RBFOX1: variants seen among roughly 807,000 people sequenced by gnomAD.
RBFOX1 encodes RNA binding protein fox-1 homolog 1.
Under a neutral mutation model 57.7 loss-of-function variants are expected in RBFOX1, and 8 were observed. The ratio of observed to expected loss-of-function variants is 0.14; its 90% CI spans 0.08 to 0.25. RBFOX1 has a LOEUF of 0.25. Ranked by LOEUF, RBFOX1 falls within the 10% of genes least tolerant of loss-of-function variation. RBFOX1 has a pLI of 1.00. For synonymous variants in RBFOX1, 326 were observed against 222.4 expected (o/e 1.47, Z -4.15); for missense variants, 611 against 548.5 (o/e 1.11, Z -1.14).
intron 2 of RBFOX1, among the ~76,000 whole-genome samples, chr16:6,512,535 G>C (rs1350370240): frequency 6.6e-6 from 1 of 152,092 alleles, no homozygotes; most frequent in African/African-American, 2.4e-5. Context: ...GACCAAGACT[G>C]GGTGTTGCTA....
intron 1 of RBFOX1, among the ~76,000 whole-genome samples, chr16:6,144,235 C>T (rs1160215152): frequency 6.6e-6 from 1 of 152,072 alleles, no homozygotes; most frequent in Non-Finnish European, 1.5e-5. Flanking sequence ...GAAAATTATT[C>T]TCTTTTTAAT....
In RBFOX1 at chr16:6,999,212, A is replaced by G. The variant is rs8046969; in HGVS notation, c.-15-52845A>G. ...TTATTTTATTTTATTTTTTATTTTT[A>G]TTTATTTTTTTTATTTATTTTTTTT... is the stretch of plus-strand genomic sequence containing the variant. On this transcript the variant is annotated intron_variant, in intron 3 of 15. Coordinates refer to ENST00000550418, the MANE Select transcript of RBFOX1 (RefSeq NM_018723.4). Among the ~76,000 whole-genome samples, 10 of 117,702 alleles carry G rather than the reference A, an allele frequency of 8.5e-5. 1 individual carries two copies. The highest frequency in any genetic ancestry group is 7.8e-4 in the Admixed American group (9 of 11,562). 77.2% of individuals were successfully genotyped at this position (117,702 alleles called of 152,430 possible).
chr16:6,282,731 C>G (rs1010396459), intron 1 of RBFOX1, among the ~76,000 whole-genome samples: 1 of 152,134 alleles, frequency 6.6e-6, no homozygotes, highest in East Asian at 1.9e-4. Context: ...CCTTTTTATA[C>G]TTTGCCCCTT....
At chr16:6,270,998 T>G (rs1214750318) in intron 1 of RBFOX1, among the ~76,000 whole-genome samples, 2 of 152,188 alleles carry the variant, frequency 1.3e-5, no homozygotes, top group Non-Finnish European at 2.9e-5. Flanking sequence ...TTGGGCAGAA[T>G]GAATGTGGAA....
chr16:6,504,328 T>C (rs1308465792), intron 2 of RBFOX1, among the ~76,000 whole-genome samples: 1 of 152,180 alleles, frequency 6.6e-6, no homozygotes, highest in Non-Finnish European at 1.5e-5. Context: ...CAACTTCACA[T>C]TCCCCTGCCC....
intron 3 of RBFOX1, among the ~76,000 whole-genome samples, chr16:6,925,527 G>A (rs1038348937): frequency 6.6e-6 from 1 of 151,470 alleles, no homozygotes; most frequent in Non-Finnish European, 1.5e-5. Context: ...TTCCGGGGGG[G>A]CAGGGATTTT....
At chr16:7,460,673 G>A (rs1179442287) in intron 4 of RBFOX1, among the ~76,000 whole-genome samples, 9 of 151,178 alleles carry the variant, frequency 6.0e-5, no homozygotes, top group Non-Finnish European at 2.9e-5. Flanking sequence ...CATGACACAC[G>A]TTTACCTGTG....
intron 3 of RBFOX1, among the ~76,000 whole-genome samples, chr16:6,824,041 G>T (rs542845254): frequency 1.3e-5 from 2 of 152,280 alleles, no homozygotes; most frequent in East Asian, 3.9e-4. Context: ...CCATTATCTG[G>T]ATTTCCATAT....
intron 1 of RBFOX1, among the ~76,000 whole-genome samples, chr16:6,035,315 A>G (rs533319847): frequency 6.6e-6 from 1 of 152,342 alleles, no homozygotes; most frequent in South Asian, 2.1e-4. Context: ...GTCTCAGCCA[A>G]GGGACACTCA....
At chr16:6,684,774 A>T (rs530640953) in intron 3 of RBFOX1, among the ~76,000 whole-genome samples, 3 of 152,352 alleles carry the variant, frequency 2.0e-5, no homozygotes, top group African/African-American at 7.2e-5. Context: ...AGTAATTGAA[A>T]CAGGAAAGTT....
chr16:5,482,169 C>G (rs1283414310), intron 2 of RBFOX1, among the ~76,000 whole-genome samples: 1 of 152,194 alleles, frequency 6.6e-6, no homozygotes, highest in African/African-American at 2.4e-5. Context: ...CACTCTCTTT[C>G]AAGTCCCAGG....
At chr16:5,440,858 T>G (rs1342290085) in intron 1 of RBFOX1, among the ~76,000 whole-genome samples, 2 of 152,216 alleles carry the variant, frequency 1.3e-5, no homozygotes, top group East Asian at 3.9e-4. Flanking sequence ...CTCACTAGTT[T>G]ACTATTTGAG....
At chr16:5,439,570 G>A (rs1449430472) in intron 1 of RBFOX1, among the ~76,000 whole-genome samples, 6 of 152,062 alleles carry the variant, frequency 3.9e-5, no homozygotes, top group African/African-American at 1.2e-4. Flanking sequence ...CTGGGCATGA[G>A]GAATGAGAAG....
At chr16:5,739,690 T>G (rs1484908350) in intron 3 of RBFOX1, among the ~76,000 whole-genome samples, 1 of 152,174 alleles carries the variant, frequency 6.6e-6, no homozygotes. Flanking sequence ...AAACTTAGAA[T>G]TCTTAGAGCC....
At chr16:7,272,366 G>T (rs2095340040) in intron 4 of RBFOX1, among the ~76,000 whole-genome samples, 1 of 152,006 alleles carries the variant, frequency 6.6e-6, no homozygotes, top group African/African-American at 2.4e-5. Flanking sequence ...TGTATTTTTA[G>T]TAGAGACTGT....
rs145980719 is a variant in RBFOX1 at position 7,271,608 on chromosome 16, C to T, written c.27+219510C>T. Among the ~76,000 whole-genome samples the T allele has an allele frequency of 2.6e-3, 401 of 152,156 alleles. 3 individuals carry two copies. Among genetic ancestry groups the T allele is most frequent in the Non-Finnish European group, 3.6e-3 (244 of 67,994 alleles). ...GCATAATTATGCAAGCAACTTAATA[C>T]TAAACTTAGAAGATACGTGACTACT... On this transcript the variant is annotated intron_variant, in intron 4 of 15. Coordinates refer to ENST00000550418, the MANE Select transcript of RBFOX1 (RefSeq NM_018723.4).
intron 14 of RBFOX1, among the ~76,000 whole-genome samples, chr16:7,700,657 C>G (rs1041570942): frequency 6.6e-6 from 1 of 152,150 alleles, no homozygotes; most frequent in Admixed American, 6.5e-5. Flanking sequence ...GCCTTGAGCT[C>G]TGCATTAAAG....
At chr16:7,354,727 G>A (rs62014056) in intron 4 of RBFOX1, among the ~76,000 whole-genome samples, 4 of 152,102 alleles carry the variant, frequency 2.6e-5, no homozygotes, top group Non-Finnish European at 2.9e-5. Context: ...CACTAGTCAC[G>A]TGTCTCTATT....
chr16:6,213,573 G>T (rs572176034), intron 1 of RBFOX1, among the ~76,000 whole-genome samples: 3 of 152,172 alleles, frequency 2.0e-5, no homozygotes, highest in Admixed American at 6.5e-5. Flanking sequence ...CTGAAAAGTT[G>T]CGTAAGTCAT....
Sources: gnomAD v4.1 joint callset for allele counts (sites outside exome capture counted in the v4.1 genomes callset) on GRCh38, gnomAD v4.1.1 for gene constraint, MANE v1.5 for transcripts, NCBI Gene and HGNC (gene_info 2026-07-23, HGNC 2026-07-21) for gene names.